The following NCOA7 variants were observed in gnomAD, a reference collection of about 807,000 sequenced individuals.
The protein encoded by NCOA7 is nuclear receptor coactivator 7.
In NCOA7, 45 loss-of-function variants were observed where a neutral mutation model predicts 104.3. The observed-to-expected ratio is 0.43, with a 90% CI of 0.34 to 0.55. The LOEUF is 0.55. Among genes scored for constraint, NCOA7 ranks in the 20% least tolerant of loss-of-function variants. The probability of loss-of-function intolerance (pLI) is 0.02; values close to 1 mark genes in which losing one functional copy is unlikely to be tolerated. For synonymous variants in NCOA7, 398 were observed against 402.3 expected (o/e 0.99, Z 0.13); for missense variants, 1,041 against 1,119.7 (o/e 0.93, Z 1.00).
intron 1 of NCOA7, among the ~76,000 whole-genome samples, chr6:125,809,139 AC>A (rs1473234758): frequency 6.6e-6 from 1 of 151,920 alleles, no homozygotes; most frequent in African/African-American, 2.4e-5. Flanking sequence ...TGTTTTTGTA[AC>A]ATGTATTTAT....
intron 4 of NCOA7, among the ~76,000 whole-genome samples, chr6:125,876,259 C>T (rs891158282): frequency 6.6e-6 from 1 of 152,282 alleles, no homozygotes; most frequent in African/African-American, 2.4e-5. Flanking sequence ...CTGTCACAGG[C>T]TTTCATGATC....
chr6:125,842,957 C>T (rs1780300287), intron 2 of NCOA7, among the ~76,000 whole-genome samples: 1 of 152,104 alleles, frequency 6.6e-6, no homozygotes, highest in African/African-American at 2.4e-5. Flanking sequence ...TAGACATAGA[C>T]ACTAAGACAC....
At chr6:125,887,271 G>A (rs1040480434) in intron 8 of NCOA7, among the ~76,000 whole-genome samples, 4 of 152,180 alleles carry the variant, frequency 2.6e-5, no homozygotes, top group African/African-American at 4.8e-5. Flanking sequence ...TTTCTTTGTT[G>A]CAGGACTTCT....
At chr6:125,801,135 G>A (rs768087776) in intron 1 of NCOA7, among the ~76,000 whole-genome samples, 1 of 152,188 alleles carries the variant, frequency 6.6e-6, no homozygotes, top group Non-Finnish European at 1.5e-5. Flanking sequence ...TATAGAAAGC[G>A]TGATAGAAGT....
chr6:125,782,390 A>C (rs901139237), intron 1 of NCOA7, among the ~76,000 whole-genome samples: 1 of 152,216 alleles, frequency 6.6e-6, no homozygotes, highest in African/African-American at 2.4e-5. Context: ...GCATCTACTA[A>C]GAGCAATCAA....
At chr6:125,810,951 A>G (rs1455089476) in intron 1 of NCOA7, among the ~76,000 whole-genome samples, 1 of 152,122 alleles carries the variant, frequency 6.6e-6, no homozygotes, top group African/African-American at 2.4e-5. Flanking sequence ...TCTTGTGCAT[A>G]TTTTCATTAA....
intron 12 of NCOA7, 81 bp from the exon 13 acceptor site, chr6:125,922,601 C>T (rs1787677865): frequency 4.0e-6 from 6 of 1,504,842 alleles, no homozygotes; most frequent in Non-Finnish European, 3.6e-6. Flanking sequence ...GTTTGAATAA[C>T]AGGCATTTGT....
At chr6:125,831,142 A>G (rs772988467) in intron 2 of NCOA7, among the ~76,000 whole-genome samples, 9 of 152,194 alleles carry the variant, frequency 5.9e-5, no homozygotes, top group Non-Finnish European at 1.2e-4. Flanking sequence ...TTTGCTATAA[A>G]TCAGTTTCCT....
chr6:125,802,948 T>C (rs906063215), intron 1 of NCOA7, among the ~76,000 whole-genome samples: 4 of 152,244 alleles, frequency 2.6e-5, no homozygotes, highest in Non-Finnish European at 5.9e-5. Flanking sequence ...TTTTCTTATG[T>C]CTTGTTCCCG....
upstream of NCOA7, among the ~76,000 whole-genome samples, chr6:125,789,581 C>A (rs993226989): frequency 1.3e-5 from 2 of 152,088 alleles, no homozygotes; most frequent in Non-Finnish European, 2.9e-5. Flanking sequence ...ACAAATAACA[C>A]AATGGCTACA....
chr6:125,924,224 C>G (rs1370405681), intron 13 of NCOA7, among the ~76,000 whole-genome samples: 1 of 152,200 alleles, frequency 6.6e-6, no homozygotes, highest in South Asian at 2.1e-4. Flanking sequence ...GTCCTATTTA[C>G]TTACCAAAAT....
intron 10 of NCOA7, among the ~76,000 whole-genome samples, chr6:125,911,836 A>G (rs1056585340): frequency 3.3e-5 from 5 of 152,096 alleles, no homozygotes; most frequent in African/African-American, 1.2e-4. Context: ...CTCCCGTTCC[A>G]TGGTCGTACA....
chr6:125,794,153 T>C (rs1775097982), intron 1 of NCOA7, among the ~76,000 whole-genome samples: 2 of 152,218 alleles, frequency 1.3e-5, no homozygotes, highest in African/African-American at 4.8e-5. Flanking sequence ...CTTACTATTA[T>C]GTTACTTTCG....
intron 1 of NCOA7, among the ~76,000 whole-genome samples, chr6:125,796,062 C>G (rs1775297018): frequency 6.6e-6 from 1 of 152,096 alleles, no homozygotes; most frequent in Non-Finnish European, 1.5e-5. Flanking sequence ...GCAAGCCACT[C>G]TCATTTCTGG....
At chr6:125,856,348 TG>T (rs1472692293) in intron 3 of NCOA7, among the ~76,000 whole-genome samples, 3 of 133,134 alleles carry the variant, frequency 2.3e-5, no homozygotes, top group African/African-American at 7.7e-5. Context: ...CATGTTTTTT[TG>T]TTTGTTTTTT....
At chr6:125,922,969 C>A in intron 13 of NCOA7, 135 bp downstream of exon 13, 1 of 767,136 alleles carries the variant, frequency 1.3e-6, no homozygotes, top group Non-Finnish European at 1.9e-6. Context: ...TGTCTTTTAT[C>A]TTTGTTTTTT....
upstream of NCOA7, among the ~76,000 whole-genome samples, chr6:125,788,698 A>ATTT (rs60048395): frequency 0.059 from 7,184 of 121,772 alleles, 753 homozygotes; most frequent in African/African-American, 0.2. Context: ...CACCCAGCTA[A>ATTT]TTTTTTTTTT....
chr6:125,879,186 A>C (rs991171282), intron 5 of NCOA7, among the ~76,000 whole-genome samples: 4 of 152,202 alleles, frequency 2.6e-5, no homozygotes, highest in Non-Finnish European at 5.9e-5. Flanking sequence ...CAGAACTCTA[A>C]ACTTTGGCAT....
At chr6:125,781,236 A>G (rs1583200734) in exon 1 of NCOA7, 1 of 152,266 alleles carries the variant, frequency 6.6e-6, no homozygotes, top group East Asian at 1.9e-4. Context: ...TTATAGTTGA[A>G]GAAATCTGAC....
Sources: gnomAD v4.1 joint callset for allele counts (sites outside exome capture counted in the v4.1 genomes callset) on GRCh38, gnomAD v4.1.1 for gene constraint, MANE v1.5 for transcripts, NCBI Gene and HGNC (gene_info 2026-07-23, HGNC 2026-07-21) for gene names.